The following CD109 variants were observed in gnomAD, a reference collection of about 807,000 sequenced individuals.
CD109 encodes CD109 antigen.
Under a neutral mutation model 165.8 loss-of-function variants are expected in CD109, and 149 were observed. The ratio of observed to expected loss-of-function variants is 0.90; its 90% CI spans 0.79 to 1.03. CD109 has a LOEUF of 1.03. Among genes scored for constraint, CD109 ranks in the 50% least tolerant of loss-of-function variants. The pLI, the probability that CD109 is intolerant of heterozygous loss-of-function variation, is 0.00. For synonymous variants in CD109, 585 were observed against 592.1 expected (o/e 0.99, Z 0.18); for missense variants, 1,712 against 1,677.8 (o/e 1.02, Z -0.36).
In CD109 at chr6:73,791,160, T is replaced by C. The variant is rs12207078; in HGVS notation, c.2702-1466T>C. ...ACATATATATATATATATATATATA[T>C]ATATATATATATATATACACACACA... On this transcript the variant is annotated intron_variant, in intron 22 of 32. Transcript: ENST00000287097. Among the ~76,000 whole-genome samples the C allele has an allele frequency of 2.7e-3, 89 of 33,378 alleles. 3 individuals carry two copies. Among genetic ancestry groups the C allele is most frequent in the Middle Eastern group, 0.026 (2 of 76 alleles). The allele number at this position is 33,378 out of a possible 152,430, so 21.9% of individuals were successfully genotyped here.
At chr6:73,696,086 C>T, upstream of CD109, 2 of 827,614 alleles carry the variant, frequency 2.4e-6, no homozygotes, top group Non-Finnish European at 1.9e-6. Context: ...TGCTGTTAGG[C>T]GCGCCCATTT....
At chr6:73,783,565 C>G in intron 18 of CD109, 142 bp from the exon 19 acceptor site, 1 of 621,276 alleles carries the variant, frequency 1.6e-6, no homozygotes, top group South Asian at 2.0e-5. Flanking sequence ...ATACTTAAAC[C>G]TTTTAAATGG....
Position 73,809,934 on chromosome 6 carries a change from T to A in CD109, c.3356-50T>A, listed in dbSNP as rs1214076074. Reference sequence around the variant, plus strand: ...AGTAGGAATATTTAATGGTATAAAATGTAATTTTTCTGGATAATTGATCAG... The same window carrying A: ...AGTAGGAATATTTAATGGTATAAAAAGTAATTTTTCTGGATAATTGATCAG... On this transcript the variant is annotated intron_variant, in intron 26 of 32. Transcript: ENST00000287097. 3.4e-6 allele frequency: 5 copies of A among 1,455,078 alleles called. No individual in the cohort carries two copies. The South Asian group carries it at 6.3e-5, about 18-fold the overall frequency. 90.1% of individuals were successfully genotyped at this position (1,455,078 alleles called of 1,614,324 possible).
chr6:73,756,020 A>G (rs1379064213), intron 5 of CD109, among the ~76,000 whole-genome samples: 1 of 152,088 alleles, frequency 6.6e-6, no homozygotes, highest in Non-Finnish European at 1.5e-5. Flanking sequence ...AGTTAGATAA[A>G]TGATACGATA....
At chr6:73,781,377 T>G in intron 17 of CD109, 58 bp downstream of exon 17, 1 of 1,351,350 alleles carries the variant, frequency 7.4e-7, no homozygotes, top group South Asian at 1.2e-5. Flanking sequence ...TCAACATTAC[T>G]TATATAGGTA....
At chr6:73,708,267 C>G (rs375304291) in intron 2 of CD109, among the ~76,000 whole-genome samples, 2 of 151,678 alleles carry the variant, frequency 1.3e-5, no homozygotes, top group Non-Finnish European at 2.9e-5. Flanking sequence ...TTTGTCCTTG[C>G]GATAGTTTGC....
Position 73,763,436 on chromosome 6 carries a change from A to G in CD109, c.998-140A>G, listed in dbSNP as rs888548590. On this transcript the variant is annotated intron_variant, in intron 9 of 32. Coordinates refer to ENST00000287097, the MANE Select transcript of CD109 (RefSeq NM_133493.5). Reference sequence around the variant, plus strand: ...AGAACTGTGTGGTGCTTGTAGTGTCAAAGTCAATATGGGAATGAGGCTTAT... The same window carrying G: ...AGAACTGTGTGGTGCTTGTAGTGTCGAAGTCAATATGGGAATGAGGCTTAT... 5.7e-6 allele frequency: 3 copies of G among 525,688 alleles called. No individual in the cohort carries two copies. The African/African-American group carries it at 5.8e-5, about 10-fold the overall frequency. 32.6% of individuals were successfully genotyped at this position (525,688 alleles called of 1,614,324 possible).
chr6:73,751,176 G>T (rs887129556), intron 5 of CD109, among the ~76,000 whole-genome samples: 5 of 152,090 alleles, frequency 3.3e-5, no homozygotes, highest in Admixed American at 1.3e-4. Flanking sequence ...TATTTGTCCT[G>T]CAAAAATGTC....
At chr6:73,682,729 T>G in the CD109 span, among the ~76,000 whole-genome samples, 3 of 152,254 alleles carry the variant, frequency 2.0e-5, no homozygotes, top group Non-Finnish European at 2.9e-5. Context: ...TACAGCAAAC[T>G]TCTGCCTGGG....
chr6:73,766,234 A>G, intron 11 of CD109, 80 bp downstream of exon 11: 2 of 1,078,490 alleles, frequency 1.9e-6, no homozygotes, highest in East Asian at 2.5e-5. Flanking sequence ...TCAACCTGTC[A>G]GAACTGAAAG....
chr6:73,690,706 G>A, the CD109 span, among the ~76,000 whole-genome samples: 1 of 152,150 alleles, frequency 6.6e-6, no homozygotes, highest in Non-Finnish European at 1.5e-5. Context: ...GGCTGCAGCT[G>A]ATGAACATTT....
chr6:73,681,533 C>A, the CD109 span, among the ~76,000 whole-genome samples: 1 of 150,984 alleles, frequency 6.6e-6, no homozygotes, highest in African/African-American at 2.4e-5. Context: ...CGGTGGAAGG[C>A]AAGGAGAAAC....
chr6:73,820,698 G>A (rs1776078470), intron 32 of CD109, 135 bp downstream of exon 32: 3 of 480,950 alleles, frequency 6.2e-6, no homozygotes, highest in African/African-American at 2.0e-5. Context: ...GAGGCGGGGG[G>A]GCAGGAAGTG....
Position 73,826,930 on chromosome 6 carries a change from C to G in CD109, c.*3297C>G, listed in dbSNP as rs1417034668. The G allele has an allele frequency of 6.7e-6, 1 of 150,366 alleles. No homozygotes were observed. The highest frequency in any genetic ancestry group is 1.5e-5 in the Non-Finnish European group (1 of 67,798). The allele number at this position is 150,366 out of a possible 1,614,324, so 9.3% of individuals were successfully genotyped here. Reference sequence around the variant, plus strand: ...CTAAACATATTTATAAGTAGTCTGTCAATATAATACCAACTATTTTTATTT... The same window carrying G: ...CTAAACATATTTATAAGTAGTCTGTGAATATAATACCAACTATTTTTATTT... On this transcript the variant is annotated 3_prime_UTR_variant, in exon 33 of 33. Transcript: ENST00000287097.
intron 11 of CD109, among the ~76,000 whole-genome samples, chr6:73,766,525 A>ATGTG (rs574517155): frequency 2.8e-5 from 3 of 105,476 alleles, no homozygotes; most frequent in Admixed American, 1.9e-4. Context: ...GTATATGTAT[A>ATGTG]TGTGTGTGTG....
In CD109 at chr6:73,742,695, CTCT is replaced by C. The variant is rs144236132; in HGVS notation, c.633+6195_633+6197del. On this transcript the variant is annotated intron_variant, in intron 5 of 32. Coordinates refer to ENST00000287097, the MANE Select transcript of CD109 (RefSeq NM_133493.5). ...TCTTTCCTCATTGTCAGATGGAAGT[CTCT>C]TCTTCTTTCTAGAGTGGCTTAGGCA... 2.1e-3 allele frequency among the ~76,000 whole-genome samples: 314 copies of C among 152,344 alleles called. 7 individuals are homozygous for C. In the East Asian group the frequency reaches 0.055, roughly 27 times the overall value.
intron 20 of CD109, among the ~76,000 whole-genome samples, chr6:73,787,016 C>T (rs1341870322): frequency 3.3e-5 from 5 of 152,126 alleles, no homozygotes; most frequent in Admixed American, 2.0e-4. Flanking sequence ...GGCTGAAGAT[C>T]GCCCTTTCCC....
At chr6:73,686,489 G>T in the CD109 span, among the ~76,000 whole-genome samples, 1 of 152,150 alleles carries the variant, frequency 6.6e-6, no homozygotes, top group Non-Finnish European at 1.5e-5. Flanking sequence ...TTTTTGGCAA[G>T]ACCACTTCTT....
chr6:73,756,548 T>C, intron 5 of CD109, 95 bp from the exon 6 acceptor site: 2 of 808,000 alleles, frequency 2.5e-6, no homozygotes, highest in Non-Finnish European at 3.9e-6. Flanking sequence ...ATTTAAAAAT[T>C]AATTTTCTAA....
Sources: allele counts gnomAD v4.1 joint callset (sites outside exome capture counted in the v4.1 genomes callset), GRCh38; gene constraint gnomAD v4.1.1; transcripts MANE v1.5; gene names NCBI Gene and HGNC (gene_info 2026-07-23, HGNC 2026-07-21).